WDFY3: variants seen among roughly 807,000 people sequenced by gnomAD.
WDFY3 encodes the protein WD repeat and FYVE domain-containing protein 3.
WDFY3 carries 66 observed loss-of-function variants against 409.6 expected under a neutral mutation model. The ratio of observed to expected loss-of-function variants is 0.16; its 90% confidence interval spans 0.13 to 0.20. WDFY3 has a LOEUF of 0.20. Among genes scored for constraint, WDFY3 ranks in the 10% least tolerant of loss-of-function variants. The pLI is 1.00. For synonymous variants in WDFY3, 1,521 were observed against 1,537.1 expected, an observed-to-expected ratio of 0.99 and a Z score of 0.25; for missense variants, 3,031 against 4,298.1, an observed-to-expected ratio of 0.71 and a Z score of 8.24.
At chr4:84,874,153 C>T (rs1410502228) in intron 3 of WDFY3, among the ~76,000 whole-genome samples, 1 of 151,796 alleles carries the variant, frequency 6.6e-6, no homozygotes, top group African/African-American at 2.4e-5. Context: ...GTGGCTCACA[C>T]CTGTAATCCC....
At chr4:84,836,458 C>A in intron 7 of WDFY3, among the ~76,000 whole-genome samples, 1 of 152,082 alleles carries the variant, frequency 6.6e-6, no homozygotes, top group Non-Finnish European at 1.5e-5. Context: ...ACAGTGCTAA[C>A]AGTGGGAAAG....
At chr4:84,693,502 G>C (rs1469369286) in intron 58 of WDFY3, among the ~76,000 whole-genome samples, 2 of 152,132 alleles carry the variant, frequency 1.3e-5, no homozygotes, top group African/African-American at 4.8e-5. Context: ...CTGATTTGCT[G>C]AAAGTGTGAA....
Position 84,757,120 on chromosome 4 carries a change from T to G in WDFY3, c.5230A>C (p.Arg1744=). The part of the protein sequence containing the change: ...GRSAGGRSTV[R]EINRDACHFP... Reference sequence around the variant, plus strand: ...TGACAAGCATCTCGGTTAATCTCCCTGACCGTCGATCTCCCACCAGCACTT... The same window carrying G: ...TGACAAGCATCTCGGTTAATCTCCCGGACCGTCGATCTCCCACCAGCACTT... The change falls in exon 33 of 68, where the codon AGG becomes CGG. Residue 1744 remains arginine, a synonymous_variant. Coordinates refer to ENST00000295888, the MANE Select transcript of WDFY3 (RefSeq NM_014991.6). 1 of 1,614,116 alleles carries G rather than the reference T, an allele frequency of 6.2e-7. No individual in the cohort carries two copies. Among genetic ancestry groups the G allele is most frequent in the South Asian group, 1.1e-5 (1 of 91,088 alleles).
At chr4:84,900,773 T>C (rs1766242993) in intron 2 of WDFY3, among the ~76,000 whole-genome samples, 1 of 152,200 alleles carries the variant, frequency 6.6e-6, no homozygotes, top group Non-Finnish European at 1.5e-5. Context: ...GTTACACTTA[T>C]CTGCACATGT....
In WDFY3 at chr4:84,753,763, G is replaced by T; in HGVS notation, c.5673C>A (p.Ser1891Arg). 1 of 1,612,560 alleles carries T rather than the reference G, an allele frequency of 6.2e-7. No individual in the cohort carries two copies. Among genetic ancestry groups the T allele is most frequent in the Non-Finnish European group, 8.5e-7 (1 of 1,179,382 alleles). The change falls in exon 35 of 68, where the codon AGC (serine) becomes AGA (arginine). Residue 1891 changes from serine to arginine, a missense_variant. Around this residue, in one of 16 missense-constraint regions of WDFY3, gnomAD observed 342 missense variants for 463.7 expected, o/e 0.74. Coordinates refer to ENST00000295888, the MANE Select transcript of WDFY3 (RefSeq NM_014991.6). ...CTGCTAATGCACACAGGAAGTCAGG[G>T]CTCATCCACATGGAGGCAAGGTCTG... ...NVPDLASMWM[S>R]PDFLCALAAT... is the part of the protein sequence containing the mutation.
Position 84,765,285 on chromosome 4 carries a change from C to T in WDFY3, c.5188+525G>A, listed in dbSNP as rs1206655781. Among the ~76,000 whole-genome samples, 4 of 152,092 alleles carry T rather than the reference C, an allele frequency of 2.6e-5. No individual in the cohort carries two copies. In the East Asian group the frequency reaches 5.8e-4, roughly 22 times the overall value. ...ATGCTCAGTTATAGGCTGAAAATAG[C>T]TATGGTACTAGTGAGCTTAAATCCT... On this transcript the variant is annotated intron_variant, in intron 32 of 67. Transcript: ENST00000295888.
intron 25 of WDFY3, among the ~76,000 whole-genome samples, chr4:84,780,977 C>T (rs1746409385): frequency 6.6e-6 from 1 of 152,024 alleles, no homozygotes; most frequent in South Asian, 2.1e-4. Flanking sequence ...GTAAGAGTGC[C>T]TTACTAGCAT....
intron 47 of WDFY3, among the ~76,000 whole-genome samples, chr4:84,720,031 T>A (rs1734585826): frequency 6.6e-6 from 1 of 152,198 alleles, no homozygotes; most frequent in Admixed American, 6.5e-5. Flanking sequence ...AAGGTGATAT[T>A]CATGACACAT....
chr4:84,736,100 T>C (rs1166455118), intron 42 of WDFY3, 70 bp downstream of exon 42: 6 of 1,451,028 alleles, frequency 4.1e-6, no homozygotes, highest in Non-Finnish European at 5.5e-6. Context: ...TTCCAATCAA[T>C]TGCTTGTACA....
chr4:84,709,492 G>T (rs1732530897), intron 51 of WDFY3, 145 bp from the exon 52 acceptor site: 5 of 635,586 alleles, frequency 7.9e-6, no homozygotes. Context: ...TCAGTTTAGT[G>T]GGTTGTGATC....
chr4:84,824,458 T>C (rs967691256), intron 10 of WDFY3, among the ~76,000 whole-genome samples: 1 of 152,118 alleles, frequency 6.6e-6, no homozygotes, highest in African/African-American at 2.4e-5. Flanking sequence ...TTGGAACACA[T>C]TTCCCCCAGT....
chr4:84,869,390 C>T (rs767113998), intron 3 of WDFY3, among the ~76,000 whole-genome samples: 33 of 152,108 alleles, frequency 2.2e-4, no homozygotes, highest in Non-Finnish European at 4.4e-4. Flanking sequence ...GCCTATACAC[C>T]TTCTCAACAT....
At chr4:84,881,584 TA>T (rs70943379) in intron 3 of WDFY3, among the ~76,000 whole-genome samples, 453 of 146,652 alleles carry the variant, frequency 3.1e-3, no homozygotes, top group African/African-American at 5.3e-3. Context: ...TTACAATCAT[TA>T]AAAAAAAAAA....
intron 2 of WDFY3, among the ~76,000 whole-genome samples, chr4:84,920,364 A>G (rs941885476): frequency 1.3e-5 from 2 of 152,218 alleles, no homozygotes; most frequent in African/African-American, 4.8e-5. Flanking sequence ...ATTCTTAGAA[A>G]TCTACACAAA....
At chr4:84,952,929 G>C (rs1773789389) in intron 1 of WDFY3, among the ~76,000 whole-genome samples, 1 of 151,998 alleles carries the variant, frequency 6.6e-6, no homozygotes, top group Non-Finnish European at 1.5e-5. Flanking sequence ...CCTTTCTTCT[G>C]GGTGTATACA....
intron 2 of WDFY3, among the ~76,000 whole-genome samples, chr4:84,921,893 G>A (rs1175472070): frequency 6.6e-6 from 1 of 151,742 alleles, no homozygotes; most frequent in African/African-American, 2.4e-5. Context: ...CTGACCTCGT[G>A]ATCCACCTGC....
chr4:84,718,976 G>C (rs934794191), intron 47 of WDFY3, among the ~76,000 whole-genome samples: 6 of 152,320 alleles, frequency 3.9e-5, no homozygotes, highest in South Asian at 4.1e-4. Context: ...AGATGATACA[G>C]AGTGAAAATT....
At chr4:84,820,021 T>C in intron 12 of WDFY3, 64 bp downstream of exon 12, 1 of 1,363,672 alleles carries the variant, frequency 7.3e-7, no homozygotes, top group Non-Finnish European at 1.0e-6. Context: ...GAAGCAAGAA[T>C]AACCACAGAA....
intron 4 of WDFY3, among the ~76,000 whole-genome samples, chr4:84,856,238 T>C (rs1394859979): frequency 6.6e-6 from 1 of 152,244 alleles, no homozygotes; most frequent in Admixed American, 6.5e-5. Flanking sequence ...GTATTACATT[T>C]ACATGCTTCT....
Sources: allele counts gnomAD v4.1 joint callset (sites outside exome capture counted in the v4.1 genomes callset), GRCh38; gene constraint gnomAD v4.1.1; regional missense constraint gnomAD v4.1.1; transcripts MANE v1.5; gene names NCBI Gene and HGNC (gene_info 2026-07-23, HGNC 2026-07-21).